Variants in ZNF331 observed in about 807,000 individuals in gnomAD.
ZNF331 encodes zinc finger protein 331.
A neutral mutation model predicts 7.0 loss-of-function variants in ZNF331; 2 were observed. That is an observed-to-expected ratio of 0.29 (90% CI 0.12 to 0.90). The LOEUF is 0.90. Ranked by LOEUF, ZNF331 falls within the 40% of genes least tolerant of loss-of-function variation. ZNF331 has a pLI of 0.58. For missense variants in ZNF331, 432 were observed against 587.7 expected (o/e 0.74, Z 2.74); for synonymous variants, 196 against 205.4 (o/e 0.95, Z 0.39).
chr19:53,558,234 T>C lies in ZNF331; in HGVS notation c.-74+2326T>C, dbSNP rs764862338. 1.8e-4 allele frequency among the ~76,000 whole-genome samples: 27 copies of C among 152,220 alleles called. No homozygotes were observed. Among genetic ancestry groups the C allele is most frequent in the Non-Finnish European group, 3.5e-4 (24 of 68,004 alleles). On this transcript the variant is annotated intron_variant, in intron 3 of 5. Coordinates refer to ENST00000449416, the MANE Select transcript of ZNF331 (RefSeq NM_001079906.2). This position sits in a 1 kb window ranked among gnomAD's most constrained non-coding sequence, Gnocchi z 4.5. Reference sequence around the variant, plus strand: ...GACTCAGAATTCAGGGAAACACATATACCAGTTTATTACAAAGGATATTTT... The same window carrying C: ...GACTCAGAATTCAGGGAAACACATACACCAGTTTATTACAAAGGATATTTT...
At chr19:53,518,031 G>C (rs2086945005), upstream of ZNF331, among the ~76,000 whole-genome samples, 1 of 152,220 alleles carries the variant, frequency 6.6e-6, no homozygotes, top group South Asian at 2.1e-4. Flanking sequence ...GTGTATCTGT[G>C]AGGGTGTTGC....
rs764342611 is a variant in ZNF331 at position 53,569,404 on chromosome 19, T to C, written c.9+19T>C. 9.3e-6 allele frequency: 15 copies of C among 1,613,716 alleles called. No homozygotes were observed. The South Asian group carries it at 1.6e-4, about 18-fold the overall frequency. On this transcript the variant is annotated intron_variant, in intron 4 of 5. Coordinates refer to ENST00000449416, the MANE Select transcript of ZNF331 (RefSeq NM_001079906.2). ...GGCCCAGGTAAGTGTATATTTCTCT[T>C]TCCTTCTTGAGCTATGATATTTGCG... is the stretch of plus-strand genomic sequence containing the variant.
At chr19:53,521,331 A>AGTGAGTGTGT (rs779905191) in exon 1 of ZNF331, 28,372 of 128,958 alleles carry the variant, frequency 0.22, 2,788 homozygotes, top group Middle Eastern at 0.33. Flanking sequence ...AGTGTGTGTG[A>AGTGAGTGTGT]GTGTGTGTGT....
rs1242859145 is a variant in ZNF331, at chr19:53,539,690, T to C, written c.-138+408T>C. On this transcript the variant is annotated intron_variant, in intron 2 of 5. Coordinates refer to ENST00000449416, the MANE Select transcript of ZNF331 (RefSeq NM_001079906.2). The surrounding 1 kb of genome is among the most constrained non-coding windows in gnomAD (Gnocchi z 6.1). The stretch of plus-strand genomic sequence containing the variant: ...TTCTGTGTATATTTACTGTATGTGA[T>C]TATCAGTGTTAGTGTATCTGTCCCC... Among the ~76,000 whole-genome samples, 1 of 152,180 alleles carries C rather than the reference T, an allele frequency of 6.6e-6. No individual in the cohort carries two copies. The highest frequency in any genetic ancestry group is 2.4e-5 in the African/African-American group (1 of 41,442).
intron 2 of ZNF331, among the ~76,000 whole-genome samples, chr19:53,529,405 A>AAAG: frequency 6.6e-6 from 1 of 151,922 alleles, no homozygotes; most frequent in Non-Finnish European, 1.5e-5. Flanking sequence ...GTCTTTTAAA[A>AAAG]AAAAAAAAAA....
Position 53,571,587 on chromosome 19 carries a change from G to A in ZNF331, c.10-17G>A. 2 of 1,612,366 alleles carry A rather than the reference G, an allele frequency of 1.2e-6. No homozygotes were observed. The highest frequency in any genetic ancestry group is 1.7e-6 in the Non-Finnish European group (2 of 1,179,312). ...TTTCCTTTCATTTCATCATGCACGT[G>A]TGGGTTTCTGTTTCAGGGTTTGGTG... is the stretch of plus-strand genomic sequence containing the variant. On this transcript the variant is annotated splice_polypyrimidine_tract_variant and intron_variant, in intron 4 of 5. Coordinates refer to ENST00000449416, the MANE Select transcript of ZNF331 (RefSeq NM_001079906.2). The surrounding 1 kb of genome is among the most constrained non-coding windows in gnomAD (Gnocchi z 4.7).
intron 3 of ZNF331, among the ~76,000 whole-genome samples, 196 bp from the exon 4 acceptor site, chr19:53,569,108 G>A (rs554213443): frequency 3.3e-5 from 5 of 151,990 alleles, no homozygotes; most frequent in Admixed American, 6.6e-5. Flanking sequence ...CACCCACCTC[G>A]GCCTCCCAAA....
Position 53,542,364 on chromosome 19 carries a change from C to G in ZNF331, c.-138+3082C>G, listed in dbSNP as rs186386754. 2.1e-3 allele frequency among the ~76,000 whole-genome samples: 327 copies of G among 152,312 alleles called. 2 individuals carry two copies. Among genetic ancestry groups the G allele is most frequent in the Admixed American group, 3.3e-3 (50 of 15,294 alleles). The stretch of plus-strand genomic sequence containing the variant: ...GATTATAGAATGTTAATGTTCCTTT[C>G]CCAGGACATCACAATAATCACCCAT... On this transcript the variant is annotated intron_variant, in intron 2 of 5. Coordinates refer to ENST00000449416, the MANE Select transcript of ZNF331 (RefSeq NM_001079906.2).
At chr19:53,530,122 G>A (rs3859496) in intron 2 of ZNF331, among the ~76,000 whole-genome samples, 12,524 of 152,198 alleles carry the variant, frequency 0.082, 593 homozygotes, top group Non-Finnish European at 0.11. Flanking sequence ...GAGCAGGCAC[G>A]TCACATGGCA....
intron 3 of ZNF331, among the ~76,000 whole-genome samples, chr19:53,564,492 C>G (rs1163691621): frequency 6.6e-6 from 1 of 151,732 alleles, no homozygotes; most frequent in African/African-American, 2.4e-5. Context: ...GTTGGCCAGG[C>G]TGGTTTTGGA....
Position 53,577,938 on chromosome 19 carries a change from A to G in ZNF331, c.1378A>G (p.Ile460Val). 8 of 1,611,346 alleles carry G rather than the reference A, an allele frequency of 5.0e-6. No individual in the cohort carries two copies. The highest frequency in any genetic ancestry group is 1.3e-5 in the African/African-American group (1 of 74,996). ...AAACCATCTCCGAGAACATCAGAGG[A>G]TCCACAACAGTTGAAGAGCCTTTTG... is the stretch of plus-strand genomic sequence containing the variant. ...HLNHLREHQR[I>V]HNS is the part of the protein sequence containing the mutation. Residue 460 changes from isoleucine to valine, a missense_variant, in exon 6 of 6, where the codon ATC (isoleucine) becomes GTC (valine). This residue lies in a region of ZNF331 where 312 missense variants were observed against 448.6 expected (regional missense o/e 0.70). Transcript: ENST00000449416.
intron 2 of ZNF331, among the ~76,000 whole-genome samples, chr19:53,548,748 AAGG>A (rs1452435126): frequency 1.3e-5 from 2 of 152,168 alleles, no homozygotes; most frequent in Non-Finnish European, 2.9e-5. Context: ...GGGCGATGTG[AAGG>A]AGAATTTTCC....
chr19:53,505,506 CTT>C, the ZNF331 span, among the ~76,000 whole-genome samples: 36 of 152,244 alleles, frequency 2.4e-4, 1 homozygote, highest in South Asian at 4.4e-3. Context: ...GACTGAAACA[CTT>C]TTAGTCCTGT....
rs1367272675 is a variant in ZNF331, at chr19:53,547,929, T to G, written c.-137-7916T>G. ...TTCTATGTTTTGTCATTTTTGTTTG[T>G]TTTTTTTTGTTTGTTTTCTAGACAG... is the stretch of plus-strand genomic sequence containing the variant. On this transcript the variant is annotated intron_variant, in intron 2 of 5. Transcript: ENST00000449416. Among the ~76,000 whole-genome samples, 6 of 147,916 alleles carry G rather than the reference T, an allele frequency of 4.1e-5. No individual in the cohort carries two copies. The East Asian group carries it at 5.8e-4, about 14-fold the overall frequency.
At chr19:53,544,779 G>C (rs1187530333) in intron 2 of ZNF331, among the ~76,000 whole-genome samples, 1 of 151,888 alleles carries the variant, frequency 6.6e-6, no homozygotes, top group East Asian at 2.0e-4. Context: ...TGTCACCCAG[G>C]CTGGAGTGCA....
At chr19:53,559,842 A>G (rs1367499568) in intron 3 of ZNF331, among the ~76,000 whole-genome samples, 2 of 151,578 alleles carry the variant, frequency 1.3e-5, no homozygotes, top group African/African-American at 2.4e-5. Context: ...ACATATATAC[A>G]TATACACATA....
At chr19:53,525,373 G>T (rs1343938903) in intron 2 of ZNF331, among the ~76,000 whole-genome samples, 1 of 152,148 alleles carries the variant, frequency 6.6e-6, no homozygotes, top group Non-Finnish European at 1.5e-5. Flanking sequence ...CCATTTTCAC[G>T]ATATTGATTC....
intron 2 of ZNF331, among the ~76,000 whole-genome samples, chr19:53,541,722 C>A (rs2088189906): frequency 6.6e-6 from 1 of 152,158 alleles, no homozygotes; most frequent in African/African-American, 2.4e-5. Flanking sequence ...ATTGTACCAT[C>A]CAGAGATAAT....
intron 3 of ZNF331, among the ~76,000 whole-genome samples, chr19:53,559,738 T>TATAC (rs1568513920): frequency 1.7e-5 from 1 of 57,172 alleles, no homozygotes. Flanking sequence ...TATATACACA[T>TATAC]ATACACCATA....
Sources: allele counts gnomAD v4.1 joint callset (sites outside exome capture counted in the v4.1 genomes callset), GRCh38; gene constraint gnomAD v4.1.1; regional missense constraint gnomAD v4.1.1; non-coding constraint Gnocchi (gnomAD v3.1); transcripts MANE v1.5; gene names NCBI Gene and HGNC (gene_info 2026-07-23, HGNC 2026-07-21).